NFIX: variants seen among roughly 807,000 people sequenced by gnomAD.
The protein encoded by NFIX is nuclear factor I X.
NFIX carries 2 observed loss-of-function variants against 53.3 expected under a neutral mutation model. The observed-to-expected ratio is 0.04, with a 90% CI of 0.02 to 0.12. The LOEUF (loss-of-function observed/expected upper bound fraction) is 0.12. Ranked by LOEUF, NFIX falls within the 10% of genes least tolerant of loss-of-function variation. NFIX has a pLI of 1.00. For synonymous variants in NFIX, 244 were observed against 289.0 expected, an observed-to-expected ratio of 0.84 and a Z score of 1.58; for missense variants, 310 against 674.5, an observed-to-expected ratio of 0.46 and a Z score of 5.99.
Position 13,028,708 on chromosome 19 carries a change from G to A in NFIX, c.559+3156G>A, listed in dbSNP as rs945119677. Among the ~76,000 whole-genome samples the A allele has an allele frequency of 6.6e-6, 1 of 152,138 alleles. No homozygotes were observed. Among genetic ancestry groups the A allele is most frequent in the African/African-American group, 2.4e-5 (1 of 41,408 alleles). ...TCAGAGAGCACTGCCGTGGGGAGGA[G>A]GGTATCCATTTCCTGGTGATATCCT... On this transcript the variant is annotated intron_variant, in intron 2 of 10. Coordinates refer to ENST00000592199, the MANE Select transcript of NFIX (RefSeq NM_001365902.3). The surrounding 1 kb of genome is among the most constrained non-coding windows in gnomAD (Gnocchi z 4.2).
chr19:13,010,831 G>A (rs1290945143), intron 1 of NFIX, among the ~76,000 whole-genome samples: 1 of 152,196 alleles, frequency 6.6e-6, no homozygotes. Flanking sequence ...AGGTTGTTGC[G>A]GGAGCCGGCA....
chr19:13,023,070 T>TCTCTCTCTCTCTCTCTCTC (rs2013036703), intron 1 of NFIX, among the ~76,000 whole-genome samples: 2 of 138,068 alleles, frequency 1.4e-5, no homozygotes, highest in African/African-American at 5.9e-5. Context: ...TTCTCTCTCT[T>TCTCTCTCTCTCTCTCTCTC]TCTCTCTCTC....
At chr19:13,000,388 C>T (rs2011634872) in intron 1 of NFIX, among the ~76,000 whole-genome samples, 1 of 151,976 alleles carries the variant, frequency 6.6e-6, no homozygotes, top group South Asian at 2.1e-4. Context: ...GATCGAGCAC[C>T]TCCCAACCAT....
chr19:13,074,901 C>T lies in NFIX; in HGVS notation c.819-634C>T, dbSNP rs186618188. 4.4e-3 allele frequency among the ~76,000 whole-genome samples: 659 copies of T among 151,368 alleles called. 6 individuals carry two copies. The highest frequency in any genetic ancestry group is 0.015 in the African/African-American group (634 of 41,232). On this transcript the variant is annotated intron_variant, in intron 5 of 10. Coordinates refer to ENST00000592199, the MANE Select transcript of NFIX (RefSeq NM_001365902.3). ...TGGCTAACACGGTGAAACCCCATCT[C>T]TACTAAAAAATACAAAAAATTAGCC... is the stretch of plus-strand genomic sequence containing the variant.
rs1424778833 is a variant in NFIX at position 13,002,577 on chromosome 19, G to A, written c.27+6713G>A. 6.6e-6 allele frequency among the ~76,000 whole-genome samples: 1 copy of A among 152,182 alleles called. No homozygotes were observed. Among genetic ancestry groups the A allele is most frequent in the Non-Finnish European group, 1.5e-5 (1 of 68,018 alleles). On this transcript the variant is annotated intron_variant, in intron 1 of 10. Transcript: ENST00000592199. The surrounding 1 kb of genome is among the most constrained non-coding windows in gnomAD (Gnocchi z 6.1). ...CTGCCCGGCGGGGCGGGCGGGCAGG[G>A]AGGGGTCGGGGGCACGGAGCTGGGG...
chr19:13,061,358 C>T (rs960019209), intron 2 of NFIX, among the ~76,000 whole-genome samples: 1 of 152,240 alleles, frequency 6.6e-6, no homozygotes, highest in African/African-American at 2.4e-5. Flanking sequence ...GAGCCGCTGC[C>T]ACGGGCAGCT....
At chr19:13,010,095 CCTT>C (rs981870781) in intron 1 of NFIX, among the ~76,000 whole-genome samples, 15 of 152,334 alleles carry the variant, frequency 9.8e-5, no homozygotes, top group African/African-American at 2.6e-4. Context: ...CTTGCTTTCC[CCTT>C]CTTTGTTCCT....
chr19:13,094,590 T>C lies in NFIX; in HGVS notation c.1495-45T>C. On this transcript the variant is annotated intron_variant, in intron 10 of 10. Transcript: ENST00000592199. The surrounding 1 kb of genome is among the most constrained non-coding windows in gnomAD (Gnocchi z 4.3). ...GGCCAGGTAGGAGTGAGATGGGACC[T>C]GCCCCAGCTGTTCTCAGTATCGCCT... 6.5e-7 allele frequency: 1 copy of C among 1,534,616 alleles called. No individual in the cohort carries two copies. The highest frequency in any genetic ancestry group is 8.7e-7 in the Non-Finnish European group (1 of 1,145,686).
intron 6 of NFIX, among the ~76,000 whole-genome samples, chr19:13,075,894 G>T (rs1341981256): frequency 6.6e-6 from 1 of 152,172 alleles, no homozygotes; most frequent in Non-Finnish European, 1.5e-5. Context: ...AGCAGAGCCC[G>T]TGGTATGGCG....
intron 2 of NFIX, among the ~76,000 whole-genome samples, chr19:13,062,083 C>T (rs758899817): frequency 1.3e-5 from 2 of 152,100 alleles, no homozygotes; most frequent in Non-Finnish European, 2.9e-5. Flanking sequence ...TGGCTGCCTT[C>T]GGGTCTCCAG....
In NFIX at chr19:13,067,723, T is replaced by C. The variant is rs1337919981; in HGVS notation, c.560-5324T>C. 6.6e-6 allele frequency among the ~76,000 whole-genome samples: 1 copy of C among 152,104 alleles called. No individual in the cohort carries two copies. Among genetic ancestry groups the C allele is most frequent in the Non-Finnish European group, 1.5e-5 (1 of 68,022 alleles). ...TTTCGAGCAGGAGCTGAGGGCAGTG[T>C]TGGCTGTAGCCAGCAGGAATTCCTC... On this transcript the variant is annotated intron_variant, in intron 2 of 10. Transcript: ENST00000592199. The surrounding 1 kb of genome is among the most constrained non-coding windows in gnomAD (Gnocchi z 4.2).
intron 1 of NFIX, among the ~76,000 whole-genome samples, chr19:13,023,094 C>CTG (rs2013041674): frequency 6.6e-6 from 1 of 150,856 alleles, no homozygotes; most frequent in Admixed American, 6.6e-5. Flanking sequence ...CTCTCTCTCT[C>CTG]TCTGTCTCTT....
rs1359883662 is a variant in NFIX at position 13,009,742 on chromosome 19, G to A, written c.27+13878G>A. Among the ~76,000 whole-genome samples the A allele has an allele frequency of 1.3e-5, 2 of 152,234 alleles. No homozygotes were observed. The highest frequency in any genetic ancestry group is 2.9e-5 in the Non-Finnish European group (2 of 68,050). ...GGGTACTGATGGGCACTGAAAAACC[G>A]ATGGGCAGTGAGGGCTATCAGAGGG... On this transcript the variant is annotated intron_variant, in intron 1 of 10. Transcript: ENST00000592199. This position sits in a 1 kb window ranked among gnomAD's most constrained non-coding sequence, Gnocchi z 4.7.
In NFIX at chr19:13,025,065, C is replaced by T. The variant is rs368774795; in HGVS notation, c.72C>T (p.Arg24=). ...TCGAGGCACTGCTGCCTCACGTCCGCGCTTTCTCCTACACCTGGTTCAACC... is the reference window on the plus strand; with the variant it reads ...TCGAGGCACTGCTGCCTCACGTCCGTGCTTTCTCCTACACCTGGTTCAACC... The part of the protein sequence containing the change: ...PFIEALLPHV[R]AFSYTWFNLQ... The change falls in exon 2 of 11, where the codon CGC becomes CGT. Residue 24 remains arginine (R), a synonymous_variant. Coordinates refer to ENST00000592199, the MANE Select transcript of NFIX (RefSeq NM_001365902.3). This position sits in a 1 kb window ranked among gnomAD's most constrained non-coding sequence, Gnocchi z 7.5. 5 of 1,613,924 alleles carry T rather than the reference C, an allele frequency of 3.1e-6. No homozygotes were observed. The highest frequency in any genetic ancestry group is 2.2e-5 in the East Asian group (1 of 44,882).
In NFIX at chr19:13,045,498, G is replaced by A. The variant is rs1186111481; in HGVS notation, c.559+19946G>A. ...GACAGTATCTAGCCCCAGCATGAGG[G>A]GTAATGAGGTTGAGAAACCCTGACT... is the stretch of plus-strand genomic sequence containing the variant. On this transcript the variant is annotated intron_variant, in intron 2 of 10. Transcript: ENST00000592199. The surrounding 1 kb of genome is among the most constrained non-coding windows in gnomAD (Gnocchi z 4.4). 6.6e-6 allele frequency among the ~76,000 whole-genome samples: 1 copy of A among 152,136 alleles called. No homozygotes were observed. Among genetic ancestry groups the A allele is most frequent in the Non-Finnish European group, 1.5e-5 (1 of 68,018 alleles).
At chr19:13,070,619 A>G (rs2016716524) in intron 2 of NFIX, 1 of 152,368 alleles carries the variant, frequency 6.6e-6, no homozygotes, top group Non-Finnish European at 1.5e-5. Context: ...CGGTCGCGGC[A>G]TTGTGGGCCT....
At chr19:13,007,440 TTC>T (rs1289011267) in intron 1 of NFIX, among the ~76,000 whole-genome samples, 2 of 152,172 alleles carry the variant, frequency 1.3e-5, no homozygotes, top group Non-Finnish European at 2.9e-5. Flanking sequence ...ACCCTCCCAT[TTC>T]TGATTGCCCT....
At chr19:13,029,458 T>G (rs1568273648) in intron 2 of NFIX, among the ~76,000 whole-genome samples, 1 of 152,206 alleles carries the variant, frequency 6.6e-6, no homozygotes, top group Non-Finnish European at 1.5e-5. Context: ...GGTTGATCAG[T>G]CTCAAAAGAC....
rs1277752691 is a variant in NFIX at position 13,068,439 on chromosome 19, G to A, written c.560-4608G>A. 6.6e-6 allele frequency among the ~76,000 whole-genome samples: 1 copy of A among 152,252 alleles called. No individual in the cohort carries two copies. The highest frequency in any genetic ancestry group is 1.5e-5 in the Non-Finnish European group (1 of 68,048). ...TTCCAGGGGCTGAGAAGGGGAGCTGGTGTGGGTGTGAGAAGGGCAATTTTG... is the reference window on the plus strand; with the variant it reads ...TTCCAGGGGCTGAGAAGGGGAGCTGATGTGGGTGTGAGAAGGGCAATTTTG... On this transcript the variant is annotated intron_variant, in intron 2 of 10. Coordinates refer to ENST00000592199, the MANE Select transcript of NFIX (RefSeq NM_001365902.3). The surrounding 1 kb of genome is among the most constrained non-coding windows in gnomAD (Gnocchi z 4.2).
Sources: allele counts gnomAD v4.1 joint callset (sites outside exome capture counted in the v4.1 genomes callset), GRCh38; gene constraint gnomAD v4.1.1; non-coding constraint Gnocchi (gnomAD v3.1); transcripts MANE v1.5; gene names NCBI Gene and HGNC (gene_info 2026-07-23, HGNC 2026-07-21).